CD244: variants seen among roughly 807,000 people sequenced by gnomAD.
CD244 encodes the protein CD244 molecule, also known as natural killer cell receptor 2B4.
A neutral mutation model predicts 45.5 loss-of-function variants in CD244; 20 were observed. The observed-to-expected ratio is 0.44, with a 90% CI of 0.31 to 0.64. The LOEUF (loss-of-function observed/expected upper bound fraction) is 0.64, where lower values mean the gene tolerates loss of function less well. Among genes scored for constraint, CD244 ranks in the 30% least tolerant of loss-of-function variants. The pLI, the probability that CD244 is intolerant of heterozygous loss-of-function variation, is 0.08. For missense variants in CD244, 407 were observed against 426.9 expected (o/e 0.95, Z 0.41); for synonymous variants, 185 against 160.5 (o/e 1.15, Z -1.15).
At chr1:160,859,031 G>C (rs1670202638) in intron 1 of CD244, among the ~76,000 whole-genome samples, 1 of 152,122 alleles carries the variant, frequency 6.6e-6, no homozygotes, top group African/African-American at 2.4e-5. Flanking sequence ...AAACAGGATG[G>C]AACATAAATG....
rs866029219 is a variant in CD244, at chr1:160,856,007, C to T, written c.61+6610G>A. On this transcript the variant is annotated intron_variant, in intron 1 of 8. Transcript: ENST00000368034. ...GCCTGAGCACCTGGGAGAAGGAGCA[C>T]GGGAGGGTCTCAGAGCAAGTGGAAT... 4.6e-5 allele frequency among the ~76,000 whole-genome samples: 7 copies of T among 152,130 alleles called. No homozygotes were observed. In the East Asian group the frequency reaches 5.8e-4, roughly 13 times the overall value.
intron 1 of CD244, 72 bp downstream of exon 1, chr1:160,862,545 C>T: frequency 7.2e-7 from 1 of 1,379,520 alleles, no homozygotes; most frequent in Non-Finnish European, 1.0e-6. Flanking sequence ...AGCAGAGGCT[C>T]TGGCTCTGAT....
chr1:160,858,486 TC>T (rs1337776776), intron 1 of CD244, among the ~76,000 whole-genome samples: 2 of 152,300 alleles, frequency 1.3e-5, no homozygotes, highest in East Asian at 3.9e-4. Context: ...CTTTGGGGTT[TC>T]CTCAGAACGG....
In CD244 at chr1:160,836,275, G is replaced by C. The variant is rs183812847; in HGVS notation, c.835-21C>G. ...TGCTCCTGCACAAGAAATGGAGATG[G>C]GGTAACATGAGCGACAGTTCGGTCT... On this transcript the variant is annotated intron_variant, in intron 5 of 8. Coordinates refer to ENST00000368034, the MANE Select transcript of CD244 (RefSeq NM_016382.4). The C allele has an allele frequency of 3.7e-4, 595 of 1,601,830 alleles. 4 individuals carry two copies. The East Asian group carries it at 8.8e-3, about 24-fold the overall frequency.
chr1:160,841,108 A>AG, intron 3 of CD244, 102 bp downstream of exon 3: 1 of 1,147,958 alleles, frequency 8.7e-7, no homozygotes, highest in Non-Finnish European at 1.3e-6. Flanking sequence ...CTGGGAGAGG[A>AG]GGCCAAGGGA....
At chr1:160,840,678 T>C (rs1392330256) in intron 3 of CD244, among the ~76,000 whole-genome samples, 1 of 152,216 alleles carries the variant, frequency 6.6e-6, no homozygotes, top group Non-Finnish European at 1.5e-5. Context: ...ATGCTGCTGG[T>C]ACATTAAGTC....
At chr1:160,834,171 C>T (rs2101859495) in intron 6 of CD244, 55 bp from the exon 7 acceptor site, 1 of 1,273,806 alleles carries the variant, frequency 7.9e-7, no homozygotes, top group South Asian at 1.2e-5. Flanking sequence ...CACAATCTTA[C>T]AAAGGTTATC....
At chr1:160,843,473 C>T (rs73021982) in intron 1 of CD244, among the ~76,000 whole-genome samples, 1,541 of 152,346 alleles carry the variant, frequency 0.01, 22 homozygotes, top group African/African-American at 0.036. Context: ...TCAGTCCTTA[C>T]TGAGTCCCAC....
At chr1:160,843,989 G>A (rs1669635828) in intron 1 of CD244, among the ~76,000 whole-genome samples, 2 of 152,260 alleles carry the variant, frequency 1.3e-5, no homozygotes, top group African/African-American at 2.4e-5. Context: ...TACCACAGAG[G>A]GCTATACCCA....
At position 160,832,550 on chromosome 1, in the gene CD244, C is replaced by T. The variant is rs1669163401; in HGVS notation, c.986G>A (p.Ser329Asn). 6.2e-7 allele frequency: 1 copy of T among 1,611,450 alleles called. No homozygotes were observed. Among genetic ancestry groups the T allele is most frequent in the Admixed American group, 1.7e-5 (1 of 59,752 alleles). Residue 329 changes from serine (S) to asparagine (N), a missense_variant, in exon 8 of 9, where the codon AGC (serine) becomes AAC (asparagine). Physicochemically the swap from Ser to Asn is conservative, Grantham distance 46. Transcript: ENST00000368034. ...RKSGSRKRNH[S>N]PSFNSTIYEV... ...ATAGATAGTGCTATTGAAGGAAGGG[C>T]TGTGGTTCCTCTTCCTGGATCCAGA... is the stretch of plus-strand genomic sequence containing the variant.
intron 6 of CD244, among the ~76,000 whole-genome samples, chr1:160,834,657 C>T (rs1669263399): frequency 1.3e-5 from 2 of 152,198 alleles, no homozygotes. Flanking sequence ...GGCCTCTTCT[C>T]TAACTCTTTT....
At chr1:160,845,559 C>T (rs1029147439) in intron 1 of CD244, among the ~76,000 whole-genome samples, 1 of 152,112 alleles carries the variant, frequency 6.6e-6, no homozygotes, top group African/African-American at 2.4e-5. Flanking sequence ...CAAGCAAGAT[C>T]AAAACAAACC....
chr1:160,839,199 C>G (rs1669448213), intron 3 of CD244, 150 bp from the exon 4 acceptor site: 1 of 603,122 alleles, frequency 1.7e-6, no homozygotes, highest in Non-Finnish European at 2.9e-6. Flanking sequence ...TCAAGGTTTT[C>G]TCTTTGCTCA....
chr1:160,831,279 C>T lies in CD244; in HGVS notation c.*68G>A, dbSNP rs187394747. 4,715 of 1,106,044 alleles carry T rather than the reference C, an allele frequency of 4.3e-3. 19 individuals carry two copies. The highest frequency in any genetic ancestry group is 5.3e-3 in the Non-Finnish European group (3,808 of 719,166). 68.5% of individuals were successfully genotyped at this position (1,106,044 alleles called of 1,614,324 possible). A position where few individuals can be genotyped will look rare whatever the true frequency, so the allele number is the denominator to read the frequency against. On this transcript the variant is annotated 3_prime_UTR_variant, in exon 9 of 9. Transcript: ENST00000368034. The stretch of plus-strand genomic sequence containing the variant: ...AACTGTTCTATAGAGACTCCTGTGC[C>T]GTCATCCACTGTGCCAATTCCCAAA...
chr1:160,855,125 G>A (rs1233449486), intron 1 of CD244, among the ~76,000 whole-genome samples: 1 of 152,186 alleles, frequency 6.6e-6, no homozygotes, highest in East Asian at 1.9e-4. Flanking sequence ...TGGCAAGGTT[G>A]GTGGAATCCC....
rs761970315 is a variant in CD244, at chr1:160,841,916, C to A, written c.62-15G>T. ...TCCCTGGCATCCTAGGAAAGAGAAC[C>A]CAAGCTGAAAGTAGCGGGAAGAGTG... On this transcript the variant is annotated splice_polypyrimidine_tract_variant and intron_variant, in intron 1 of 8. Transcript: ENST00000368034. 1.2e-6 allele frequency: 2 copies of A among 1,611,356 alleles called. No individual in the cohort carries two copies. Among genetic ancestry groups the A allele is most frequent in the African/African-American group, 1.3e-5 (1 of 74,932 alleles).
At chr1:160,836,912 G>A (rs1333059047) in intron 5 of CD244, among the ~76,000 whole-genome samples, 3 of 152,222 alleles carry the variant, frequency 2.0e-5, no homozygotes, top group Non-Finnish European at 4.4e-5. Context: ...AAAATTCCTG[G>A]AAGCAAGAAG....
At chr1:160,859,910 G>A (rs1424269715) in intron 1 of CD244, among the ~76,000 whole-genome samples, 1 of 151,876 alleles carries the variant, frequency 6.6e-6, no homozygotes, top group Non-Finnish European at 1.5e-5. Flanking sequence ...ATCCTCTCTT[G>A]AAAAATAATA....
At chr1:160,859,585 A>T (rs544687794) in intron 1 of CD244, among the ~76,000 whole-genome samples, 28 of 152,246 alleles carry the variant, frequency 1.8e-4, no homozygotes, top group Non-Finnish European at 3.2e-4. Context: ...ACAGAAAAAA[A>T]TTTTTTTAAA....
Sources: gnomAD v4.1 joint callset for allele counts (sites outside exome capture counted in the v4.1 genomes callset) on GRCh38, gnomAD v4.1.1 for gene constraint, MANE v1.5 for transcripts, NCBI Gene and HGNC (gene_info 2026-07-23, HGNC 2026-07-21) for gene names.